Variants in APC observed in about 807,000 individuals in gnomAD.
APC encodes the protein APC regulator of Wnt signaling pathway, also known as adenomatous polyposis coli protein.
APC carries 72 observed loss-of-function variants against 247.0 expected under a neutral mutation model. The observed-to-expected ratio is 0.29, with a 90% confidence interval of 0.24 to 0.35. The LOEUF (loss-of-function observed/expected upper bound fraction) is 0.35. Among genes scored for constraint, APC ranks in the 10% least tolerant of loss-of-function variants. APC has a pLI of 1.00. For synonymous variants in APC, 1,254 were observed against 1,162.5 expected, an observed-to-expected ratio of 1.08 and a Z score of -1.60; for missense variants, 3,400 against 3,360.7, an observed-to-expected ratio of 1.01 and a Z score of -0.29.
intron 4 of APC, among the ~76,000 whole-genome samples, chr5:112,768,274 C>T (rs1419092288): frequency 6.6e-6 from 1 of 151,058 alleles, no homozygotes; most frequent in Non-Finnish European, 1.5e-5. Context: ...AACTCATGAC[C>T]TTAGGTGATT....
At chr5:112,717,930 T>TTTTTTTTTTTTTTTTTTTTTTTTTC in intron 1 of APC, among the ~76,000 whole-genome samples, 1 of 136,520 alleles carries the variant, frequency 7.3e-6, no homozygotes, top group Non-Finnish European at 1.6e-5. Flanking sequence ...TTTTTTTTTT[T>TTTTTTTTTTTTTTTTTTTTTTTTTC]TTTTTTTGCT....
At chr5:112,820,735 T>A (rs1177298224) in intron 10 of APC, among the ~76,000 whole-genome samples, 2 of 152,232 alleles carry the variant, frequency 1.3e-5, no homozygotes, top group Admixed American at 6.5e-5. Context: ...TTTTGAAACC[T>A]CGTGCATAGT....
intron 4 of APC, 130 bp from the exon 5 acceptor site, chr5:112,775,499 A>G (rs1757524938): frequency 5.2e-6 from 3 of 574,242 alleles, no homozygotes; most frequent in African/African-American, 3.8e-5. Context: ...ATCAATGTAA[A>G]TTTTTTGAGT....
chr5:112,720,112 G>A (rs1751401399), intron 1 of APC, among the ~76,000 whole-genome samples: 1 of 152,116 alleles, frequency 6.6e-6, no homozygotes, highest in Non-Finnish European at 1.5e-5. Context: ...CTGTGATGGA[G>A]GAGTGTTAAA....
rs534358523 is a variant in APC at position 112,821,994 on chromosome 5, A to G, written c.1408+3A>G. 16 of 1,597,554 alleles carry G rather than the reference A, an allele frequency of 1.0e-5. No homozygotes were observed. The African/African-American group carries it at 1.7e-4, about 17-fold the overall frequency. On this transcript the variant is annotated splice_donor_region_variant and intron_variant, in intron 11 of 15. Transcript: ENST00000257430. ...TAGACATGCAATGAATGAACTAGGT[A>G]AGACAAAAATGTTTTTTAATGACAT...
rs1048607295 is a variant in APC, at chr5:112,814,432, A to G, written c.835-1063A>G. On this transcript the variant is annotated intron_variant, in intron 8 of 15. Transcript: ENST00000257430. ...CCATTACGAGCATCATTACTTACCC[A>G]TTTATCCAAGCTTGACACCTCCAAG... Among the ~76,000 whole-genome samples the G allele has an allele frequency of 5.3e-5, 8 of 152,226 alleles. No homozygotes were observed. The South Asian group carries it at 1.5e-3, about 28-fold the overall frequency.
upstream of APC, among the ~76,000 whole-genome samples, chr5:112,734,787 G>A (rs891989002): frequency 8.6e-6 from 1 of 115,786 alleles, no homozygotes; most frequent in South Asian, 3.3e-4. Context: ...TTGTGTGTGT[G>A]TGTGTGTTTT....
At chr5:112,818,827 G>GTTT (rs200135470) in intron 9 of APC, 139 bp from the exon 10 acceptor site, 36 of 868,394 alleles carry the variant, frequency 4.1e-5, no homozygotes, top group South Asian at 8.0e-5. Context: ...AGGTTTTCCG[G>GTTT]TTTTTTGTTT....
chr5:112,749,661 T>A (rs773821022), intron 1 of APC, among the ~76,000 whole-genome samples: 14 of 151,902 alleles, frequency 9.2e-5, no homozygotes, highest in Admixed American at 2.0e-4. Flanking sequence ...CTAATTTTTG[T>A]ATTTTTAGTA....
intron 7 of APC, among the ~76,000 whole-genome samples, chr5:112,800,084 C>G (rs1264793762): frequency 1.3e-5 from 2 of 152,166 alleles, no homozygotes; most frequent in Admixed American, 1.3e-4. Context: ...GTGTCCCTGA[C>G]TAAACTGTAA....
At chr5:112,813,516 C>CTTTTTAATACTTAG (rs761945209) in intron 8 of APC, among the ~76,000 whole-genome samples, 5 of 152,094 alleles carry the variant, frequency 3.3e-5, no homozygotes, top group Non-Finnish European at 7.4e-5. Context: ...AAAATCCTGA[C>CTTTTTAATACTTAG]GAATCACTTA....
intron 1 of APC, among the ~76,000 whole-genome samples, chr5:112,721,836 C>T (rs1320159553): frequency 6.6e-6 from 1 of 151,776 alleles, no homozygotes; most frequent in East Asian, 1.9e-4. Context: ...TCTTGGGCCA[C>T]ACATAAAATA....
chr5:112,818,499 T>TA (rs1284866125), intron 9 of APC, among the ~76,000 whole-genome samples: 6 of 152,188 alleles, frequency 3.9e-5, no homozygotes, highest in South Asian at 2.1e-4. Context: ...AATTAGTACT[T>TA]AAAATTGTTG....
At position 112,838,004 on chromosome 5, in the gene APC, A is replaced by C; in HGVS notation, c.2410A>C (p.Asn804His). The change falls in exon 16 of 16, where the codon AAT becomes CAT. Residue 804 changes from asparagine (N) to histidine (H), a missense_variant. Asn to His is a moderately conservative substitution (Grantham distance 68). Transcript: ENST00000257430. ...SLYGDYVFDT[N>H]RHDDNRSDNF... Reference sequence around the variant, plus strand: ...CTATGGTGATTATGTTTTTGACACCAATCGACATGATGATAATAGGTCAGA... The same window carrying C: ...CTATGGTGATTATGTTTTTGACACCCATCGACATGATGATAATAGGTCAGA... 1 of 1,614,146 alleles carries C rather than the reference A, an allele frequency of 6.2e-7. No homozygotes were observed. Among genetic ancestry groups the C allele is most frequent in the Non-Finnish European group, 8.5e-7 (1 of 1,180,020 alleles).
intron 4 of APC, among the ~76,000 whole-genome samples, chr5:112,771,774 C>T (rs1352553713): frequency 6.6e-6 from 1 of 151,684 alleles, no homozygotes; most frequent in Non-Finnish European, 1.5e-5. Context: ...GATGATTTTC[C>T]CCTTTAGTTT....
chr5:112,768,473 T>G (rs1756620158), intron 4 of APC, among the ~76,000 whole-genome samples: 1 of 151,514 alleles, frequency 6.6e-6, no homozygotes, highest in African/African-American at 2.4e-5. Context: ...CTCTTTTCAT[T>G]ATGGAAGGCC....
upstream of APC, among the ~76,000 whole-genome samples, chr5:112,733,847 G>T (rs1752221928): frequency 1.3e-5 from 2 of 152,194 alleles, no homozygotes; most frequent in Admixed American, 6.5e-5. Flanking sequence ...ACTGTCAGCA[G>T]TAGAAAGACA....
At chr5:112,820,052 T>C (rs1762959926) in intron 10 of APC, among the ~76,000 whole-genome samples, 1 of 152,128 alleles carries the variant, frequency 6.6e-6, no homozygotes, top group African/African-American at 2.4e-5. Context: ...CCCTTAGACC[T>C]CAGCCCCACT....
intron 2 of APC, among the ~76,000 whole-genome samples, 161 bp from the exon 3 acceptor site, chr5:112,766,165 G>T (rs1756288028): frequency 6.6e-6 from 1 of 152,048 alleles, no homozygotes; most frequent in Non-Finnish European, 1.5e-5. Flanking sequence ...ATTTGGCCAT[G>T]ATTTATTTAT....
Sources: gnomAD v4.1 joint callset for allele counts (sites outside exome capture counted in the v4.1 genomes callset) on GRCh38, gnomAD v4.1.1 for gene constraint, MANE v1.5 for transcripts, NCBI Gene and HGNC (gene_info 2026-07-23, HGNC 2026-07-21) for gene names.